Variants in ARNT observed in about 807,000 individuals in gnomAD.
The protein encoded by ARNT is class E basic helix-loop-helix protein 2.
Under a neutral mutation model 105.0 loss-of-function variants are expected in ARNT, and 30 were observed. The ratio of observed to expected loss-of-function variants is 0.29; its 90% confidence interval spans 0.21 to 0.39. ARNT has a LOEUF of 0.39. ARNT is among the 10% of genes least tolerant of loss of function. ARNT has a pLI of 1.00. For synonymous variants in ARNT, 304 were observed against 344.0 expected (o/e 0.88, Z 1.29); for missense variants, 748 against 978.7 (o/e 0.76, Z 3.15).
chr1:150,816,809 G>T lies in ARNT; in HGVS notation c.1781C>A (p.Pro594His), dbSNP rs200208316. 1.5e-4 allele frequency: 243 copies of T among 1,583,034 alleles called. No individual in the cohort carries two copies. Among genetic ancestry groups the T allele is most frequent in the South Asian group, 6.4e-4 (55 of 86,220 alleles). Reference protein sequence around the residue: ...FSQGNTFPPTPRPAENFRNSG... With the variant: ...FSQGNTFPPTHRPAENFRNSG... ...TCACCTGAAATTCTCTGCCGGCCGG[G>T]GGGTAGGAGGGAATGTGTTGCCCTG... Residue 594 changes from proline (P) to histidine (H), a missense_variant, in exon 18 of 22, where the codon CCC (proline) becomes CAC (histidine). Around this residue, in one of 4 missense-constraint regions of ARNT, gnomAD observed 360 missense variants for 411.9 expected, o/e 0.87. Transcript: ENST00000358595.
chr1:150,816,201 A>G (rs1655835630), intron 19 of ARNT, 58 bp downstream of exon 19: 1 of 1,545,408 alleles, frequency 6.5e-7, no homozygotes. Flanking sequence ...TACATACGGA[A>G]AAAAGCCCAA....
chr1:150,834,677 T>G (rs754330066), intron 7 of ARNT, 37 bp from the exon 8 acceptor site: 3 of 1,583,608 alleles, frequency 1.9e-6, no homozygotes, highest in Non-Finnish European at 1.7e-6. Context: ...GGAGTGCATT[T>G]TTGTGTGTGG....
At chr1:150,869,370 G>A (rs973156605) in intron 1 of ARNT, among the ~76,000 whole-genome samples, 2 of 151,780 alleles carry the variant, frequency 1.3e-5, no homozygotes, top group Non-Finnish European at 2.9e-5. Flanking sequence ...CCAGCTACTC[G>A]CGAGGATGAG....
At chr1:150,819,614 T>C (rs772297869) in intron 14 of ARNT, among the ~76,000 whole-genome samples, 1 of 152,210 alleles carries the variant, frequency 6.6e-6, no homozygotes, top group Non-Finnish European at 1.5e-5. Flanking sequence ...TGCTACAACA[T>C]GTATCAGTAC....
At chr1:150,861,276 C>T (rs751890561) in intron 1 of ARNT, 1 of 429,628 alleles carries the variant, frequency 2.3e-6, no homozygotes, top group South Asian at 1.7e-5. Context: ...GGGTCTGAGG[C>T]AGGAGAATCT....
Position 150,860,196 on chromosome 1 carries a change from A to G in ARNT, c.26-1736T>C, listed in dbSNP as rs377050198. Among the ~76,000 whole-genome samples, 177 of 147,710 alleles carry G rather than the reference A, an allele frequency of 1.2e-3. 1 individual carries two copies. The highest frequency in any genetic ancestry group is 4.2e-3 in the African/African-American group (168 of 40,012). On this transcript the variant is annotated intron_variant, in intron 1 of 21. Transcript: ENST00000358595. ...TACCAACAGAGTGAAAAGGCAACCC[A>G]TGGAATAGAAAAAAAAAAATTCTTT...
At chr1:150,844,362 TC>T (rs2102019608) in intron 4 of ARNT, among the ~76,000 whole-genome samples, 1 of 152,284 alleles carries the variant, frequency 6.6e-6, no homozygotes, top group African/African-American at 2.4e-5. Flanking sequence ...ATCCCTTTAA[TC>T]AATTCTATAA....
intron 1 of ARNT, among the ~76,000 whole-genome samples, chr1:150,859,275 C>G (rs914698746): frequency 6.6e-6 from 1 of 151,746 alleles, no homozygotes; most frequent in Admixed American, 6.6e-5. Context: ...TTCCTGCCCC[C>G]CGTACCTCTC....
chr1:150,850,077 A>G (rs1158656814), intron 3 of ARNT, among the ~76,000 whole-genome samples: 1 of 152,108 alleles, frequency 6.6e-6, no homozygotes, highest in African/African-American at 2.4e-5. Flanking sequence ...TAAATAGTCC[A>G]TTTTAAAAGC....
At chr1:150,840,422 G>A (rs1212008884) in intron 5 of ARNT, among the ~76,000 whole-genome samples, 1 of 152,128 alleles carries the variant, frequency 6.6e-6, no homozygotes, top group Non-Finnish European at 1.5e-5. Flanking sequence ...CAAGTATGTG[G>A]CTCCATAGCT....
chr1:150,847,485 A>T (rs1360217369), intron 3 of ARNT, among the ~76,000 whole-genome samples: 1 of 151,694 alleles, frequency 6.6e-6, no homozygotes, highest in East Asian at 1.9e-4. Flanking sequence ...TTTCTCAGGC[A>T]CAACAACCCG....
At chr1:150,833,671 C>A (rs926711457) in intron 8 of ARNT, among the ~76,000 whole-genome samples, 2 of 151,788 alleles carry the variant, frequency 1.3e-5, no homozygotes, top group Admixed American at 1.3e-4. Context: ...GCCTTTTGTA[C>A]CTGTATAGAA....
intron 1 of ARNT, among the ~76,000 whole-genome samples, chr1:150,870,628 C>T (rs1193367659): frequency 6.6e-6 from 1 of 152,120 alleles, no homozygotes; most frequent in Non-Finnish European, 1.5e-5. Flanking sequence ...GCATCTCAGT[C>T]TCCCACGTAG....
At chr1:150,814,538 A>G (rs1302721230) in intron 19 of ARNT, among the ~76,000 whole-genome samples, 1 of 152,214 alleles carries the variant, frequency 6.6e-6, no homozygotes, top group Non-Finnish European at 1.5e-5. Context: ...TCATAACAGT[A>G]AAGTATTATA....
chr1:150,864,767 AAT>A lies in ARNT; in HGVS notation c.26-6309_26-6308del, dbSNP rs1355339878. ...CCCTAAAACTTAAAGTATAATAAAA[AAT>A]AAATAAATAAATAAATAAATAAATA... is the stretch of plus-strand genomic sequence containing the variant. On this transcript the variant is annotated intron_variant, in intron 1 of 21. Transcript: ENST00000358595. Among the ~76,000 whole-genome samples, 99 of 138,314 alleles carry A rather than the reference AAT, an allele frequency of 7.2e-4. 2 individuals are homozygous for A. Among genetic ancestry groups the A allele is most frequent in the African/African-American group, 2.5e-3 (95 of 38,564 alleles). The allele number at this position is 138,314 out of a possible 152,430, so 90.7% of individuals were successfully genotyped here.
At chr1:150,836,236 C>G in intron 7 of ARNT, 44 bp downstream of exon 7, 1 of 1,580,152 alleles carries the variant, frequency 6.3e-7, no homozygotes, top group Non-Finnish European at 8.7e-7. Flanking sequence ...AGGAAAAAAA[C>G]AAGAAAGGAC....
intron 20 of ARNT, 36 bp downstream of exon 20, chr1:150,814,041 G>A (rs772458027): frequency 1.9e-5 from 31 of 1,608,498 alleles, no homozygotes; most frequent in African/African-American, 8.0e-5. Flanking sequence ...TTAGTGGTGC[G>A]ATTTTCCTGT....
chr1:150,863,540 T>A (rs1666032670), intron 1 of ARNT, among the ~76,000 whole-genome samples: 1 of 151,066 alleles, frequency 6.6e-6, no homozygotes, highest in South Asian at 2.1e-4. Context: ...TTAAAAAAAG[T>A]AAAGGAGACC....
In ARNT at chr1:150,814,102, A is replaced by G. The variant is rs1655326746; in HGVS notation, c.2088T>C (p.Ser696=). Residue 696 remains serine, a synonymous_variant, in exon 20 of 22, where the codon AGT becomes AGC. Coordinates refer to ENST00000358595, the MANE Select transcript of ARNT (RefSeq NM_001668.4). ...CAAAGTTAGATCCACGATTGGTGAG[A>G]CTAGGGTAGGCAGCAGCACCAGGCG... The part of the protein sequence containing the change: ...TASPGAAAYP[S]LTNRGSNFAP... The G allele has an allele frequency of 1.2e-6, 2 of 1,613,982 alleles. No homozygotes were observed. Among genetic ancestry groups the G allele is most frequent in the Admixed American group, 1.7e-5 (1 of 59,992 alleles).
Sources: gnomAD v4.1 joint callset for allele counts (sites outside exome capture counted in the v4.1 genomes callset) on GRCh38, gnomAD v4.1.1 for gene constraint, gnomAD v4.1.1 regional missense constraint, MANE v1.5 for transcripts, NCBI Gene and HGNC (gene_info 2026-07-23, HGNC 2026-07-21) for gene names.